IQCM: variants seen among roughly 807,000 people sequenced by gnomAD.
IQCM encodes IQ motif containing M, also known as IQ domain-containing protein M.
Under a neutral mutation model 57.6 loss-of-function variants are expected in IQCM, and 45 were observed. The ratio of observed to expected loss-of-function variants is 0.78; its 90% CI spans 0.62 to 1.00. The LOEUF (loss-of-function observed/expected upper bound fraction) is 1.00, where lower values mean the gene tolerates loss of function less well. IQCM is among the 50% of genes least tolerant of loss of function. IQCM has a pLI of 0.00. For synonymous variants in IQCM, 148 were observed against 158.9 expected (o/e 0.93, Z 0.51); for missense variants, 468 against 511.6 (o/e 0.91, Z 0.82).
intron 9 of IQCM, among the ~76,000 whole-genome samples, chr4:149,572,601 T>C (rs149035465): frequency 7.2e-5 from 11 of 152,174 alleles, no homozygotes; most frequent in African/African-American, 2.6e-4. Context: ...ATCTGCATTA[T>C]ATTTCCTAAC....
chr4:149,614,259 C>G (rs1008293030), intron 8 of IQCM, among the ~76,000 whole-genome samples: 8 of 152,136 alleles, frequency 5.3e-5, no homozygotes, highest in Admixed American at 1.3e-4. Context: ...GTACTTCAAG[C>G]ATCAAAGTTA....
chr4:149,692,085 A>G (rs987160879), intron 5 of IQCM, among the ~76,000 whole-genome samples: 10 of 152,146 alleles, frequency 6.6e-5, no homozygotes, highest in African/African-American at 2.4e-4. Context: ...AGGACATGTA[A>G]TTAGACTCTA....
At chr4:149,801,363 C>T (rs1773584916) in intron 2 of IQCM, among the ~76,000 whole-genome samples, 1 of 151,936 alleles carries the variant, frequency 6.6e-6, no homozygotes, top group Non-Finnish European at 1.5e-5. Flanking sequence ...AATGAGCTAT[C>T]ACATGATCCA....
intron 2 of IQCM, among the ~76,000 whole-genome samples, chr4:149,813,348 T>A (rs953831182): frequency 2.0e-5 from 3 of 151,678 alleles, no homozygotes; most frequent in South Asian, 4.2e-4. Flanking sequence ...ATCTTTTTTT[T>A]AAAAGACATG....
chr4:149,432,173 C>T (rs72724080), intron 13 of IQCM, among the ~76,000 whole-genome samples: 2,633 of 151,768 alleles, frequency 0.017, 39 homozygotes, highest in Non-Finnish European at 0.028. Flanking sequence ...GCATCTCCAC[C>T]AGTAATGTGT....
chr4:149,691,515 T>G (rs1318996978), intron 5 of IQCM, among the ~76,000 whole-genome samples: 1 of 152,030 alleles, frequency 6.6e-6, no homozygotes, highest in Non-Finnish European at 1.5e-5. Context: ...AGGAAAAGGA[T>G]GGGGCAAAGG....
At chr4:149,708,750 A>G (rs1764343662) in intron 5 of IQCM, among the ~76,000 whole-genome samples, 1 of 152,052 alleles carries the variant, frequency 6.6e-6, no homozygotes, top group South Asian at 2.1e-4. Flanking sequence ...ACCTTGCATT[A>G]GGAGTCATAT....
At chr4:149,783,092 C>T (rs1771759926) in intron 2 of IQCM, among the ~76,000 whole-genome samples, 1 of 152,114 alleles carries the variant, frequency 6.6e-6, no homozygotes, top group Non-Finnish European at 1.5e-5. Context: ...CAGAACTCTC[C>T]CCTGTACTCC....
intron 12 of IQCM, among the ~76,000 whole-genome samples, chr4:149,476,033 T>C (rs1740148463): frequency 6.6e-6 from 1 of 152,070 alleles, no homozygotes; most frequent in Non-Finnish European, 1.5e-5. Context: ...GGAAGAATAA[T>C]AGCATGTTTG....
chr4:149,734,785 T>C (rs2149892052), intron 4 of IQCM, among the ~76,000 whole-genome samples: 1 of 152,182 alleles, frequency 6.6e-6, no homozygotes, highest in South Asian at 2.1e-4. Context: ...CCCTCCTCTG[T>C]CTCTTTGTTA....
intron 5 of IQCM, among the ~76,000 whole-genome samples, chr4:149,721,150 T>C (rs1043416812): frequency 2.0e-5 from 3 of 152,154 alleles, no homozygotes; most frequent in African/African-American, 7.2e-5. Context: ...AATAATACAA[T>C]TTAAAAAACA....
At chr4:149,773,569 G>A (rs1308141249) in intron 2 of IQCM, among the ~76,000 whole-genome samples, 2 of 152,120 alleles carry the variant, frequency 1.3e-5, no homozygotes, top group Non-Finnish European at 2.9e-5. Context: ...TAATATTACT[G>A]AGATTTAATC....
At chr4:149,571,788 T>C (rs556563470) in intron 9 of IQCM, among the ~76,000 whole-genome samples, 2 of 152,038 alleles carry the variant, frequency 1.3e-5, no homozygotes, top group Admixed American at 1.3e-4. Context: ...AAATAATGAG[T>C]AAACCAAATA....
chr4:149,677,628 A>G (rs1017348872), intron 7 of IQCM, among the ~76,000 whole-genome samples: 1 of 152,060 alleles, frequency 6.6e-6, no homozygotes, highest in Non-Finnish European at 1.5e-5. Flanking sequence ...ATAGATGTAC[A>G]TCCACAAGTA....
chr4:149,512,083 G>T (rs973228650), intron 12 of IQCM, among the ~76,000 whole-genome samples: 1 of 152,158 alleles, frequency 6.6e-6, no homozygotes, highest in Non-Finnish European at 1.5e-5. Flanking sequence ...CTTTTTAAAA[G>T]GTTAAGTCCA....
chr4:149,815,415 C>A (rs1434384617), intron 1 of IQCM, 67 bp from the exon 2 acceptor site: 1 of 151,824 alleles, frequency 6.6e-6, no homozygotes, highest in Non-Finnish European at 1.5e-5. Context: ...CATTGTCAAC[C>A]ATATATCTTA....
chr4:149,779,798 C>T (rs2150006283), intron 2 of IQCM, among the ~76,000 whole-genome samples: 1 of 152,158 alleles, frequency 6.6e-6, no homozygotes, highest in East Asian at 1.9e-4. Flanking sequence ...AACTTTATGC[C>T]AACTTTCAAA....
rs922843769 is a variant in IQCM at position 149,374,622 on chromosome 4, T to A, written c.1391-22556A>T. 5.9e-5 allele frequency among the ~76,000 whole-genome samples: 9 copies of A among 152,292 alleles called. No homozygotes were observed. In the South Asian group the frequency reaches 1.0e-3, roughly 18 times the overall value. On this transcript the variant is annotated intron_variant, in intron 13 of 13. Coordinates refer to ENST00000636793, the MANE Select transcript of IQCM (RefSeq NM_001363507.2). ...AATTCTAGAAATAGAATGTTCAAATTTTTATTTGTTGTAAGACACTTAAAA... is the reference window on the plus strand; with the variant it reads ...AATTCTAGAAATAGAATGTTCAAATATTTATTTGTTGTAAGACACTTAAAA...
chr4:149,424,901 T>A (rs566621131), intron 13 of IQCM, among the ~76,000 whole-genome samples: 1 of 152,134 alleles, frequency 6.6e-6, no homozygotes, highest in Non-Finnish European at 1.5e-5. Flanking sequence ...ATATACTGAT[T>A]ATAATTTAAT....
Sources: allele counts gnomAD v4.1 joint callset (sites outside exome capture counted in the v4.1 genomes callset), GRCh38; gene constraint gnomAD v4.1.1; transcripts MANE v1.5; gene names NCBI Gene and HGNC (gene_info 2026-07-23, HGNC 2026-07-21).